Variants in ESPNL observed in about 807,000 individuals in gnomAD.
ESPNL encodes the protein espin like.
ESPNL carries 49 observed loss-of-function variants against 46.8 expected under a neutral mutation model. The ratio of observed to expected loss-of-function variants is 1.05; its 90% CI spans 0.83 to 1.33. The LOEUF (loss-of-function observed/expected upper bound fraction) is 1.33, where lower values mean the gene tolerates loss of function less well. Among genes scored for constraint, ESPNL ranks in the 40% most tolerant of loss-of-function variants. ESPNL has a pLI of 0.00. For missense variants in ESPNL, 1,540 were observed against 1,436.6 expected (o/e 1.07, Z -1.16); for synonymous variants, 664 against 662.1 (o/e 1.00, Z -0.04).
chr2:238,130,641 CGCCAGAT>C lies in ESPNL; in HGVS notation c.1928_1934del (p.Arg643ProfsTer40). On this transcript the variant is annotated frameshift_variant, in exon 9 of 9. Coordinates refer to ENST00000343063, the MANE Select transcript of ESPNL (RefSeq NM_194312.4). LOFTEE classifies it low-confidence loss of function (END_TRUNC). ...CAGCCCCCCTCGGAGCGAGGCCCAG[CGCCAGAT>C]CCAGGAGTGGGGGGTGTCTGTGCGG... 1 of 1,561,438 alleles carries C rather than the reference CGCCAGAT, an allele frequency of 6.4e-7. No homozygotes were observed. Among genetic ancestry groups the C allele is most frequent in the Non-Finnish European group, 8.7e-7 (1 of 1,153,030 alleles).
At chr2:238,116,436 C>T (rs1381250389) in intron 4 of ESPNL, among the ~76,000 whole-genome samples, 3 of 152,204 alleles carry the variant, frequency 2.0e-5, no homozygotes, top group African/African-American at 7.2e-5. Context: ...GGGGGAACCT[C>T]ATTGGGCCAG....
At position 238,128,763 on chromosome 2, in the gene ESPNL, G is replaced by A. The variant is rs144328054; in HGVS notation, c.1272G>A (p.Leu424=). The change falls in exon 8 of 9, where the codon CTG becomes CTA. Residue 424 remains leucine (L), a synonymous_variant. Transcript: ENST00000343063. ...CAGATGGCCTGGCCGCACTACAGCT[G>A]GATGGGCTGCCCTCAGGCGACATCG... ...DTSDGLAALQ[L]DGLPSGDIDG... 3.4e-4 allele frequency: 544 copies of A among 1,595,558 alleles called. 3 individuals are homozygous for A. In the African/African-American group the frequency reaches 6.5e-3, roughly 19 times the overall value.
intron 3 of ESPNL, 45 bp from the exon 4 acceptor site, chr2:238,107,746 T>C: frequency 6.6e-7 from 1 of 1,513,850 alleles, no homozygotes; most frequent in Non-Finnish European, 8.9e-7. Flanking sequence ...TCTGTGTGCC[T>C]CCTCCCTGGG....
At chr2:238,123,066 G>A (rs1334026441) in intron 5 of ESPNL, among the ~76,000 whole-genome samples, 1 of 152,214 alleles carries the variant, frequency 6.6e-6, no homozygotes, top group East Asian at 1.9e-4. Flanking sequence ...AGTCCCAGGT[G>A]GTGCGAGTTG....
In ESPNL at chr2:238,111,704, TC is replaced by T. The variant is rs1283286456; in HGVS notation, c.855+3732del. On this transcript the variant is annotated intron_variant, in intron 4 of 8. Coordinates refer to ENST00000343063, the MANE Select transcript of ESPNL (RefSeq NM_194312.4). ...ATCTGCTAATGGACATTTGGGTTCTTCTGCCTTTTGACTATTGTGAATCATG... is the reference window on the plus strand; with the variant it reads ...ATCTGCTAATGGACATTTGGGTTCTTTGCCTTTTGACTATTGTGAATCATG... Among the ~76,000 whole-genome samples the T allele has an allele frequency of 1.2e-4, 18 of 152,340 alleles. 1 individual carries two copies. The South Asian group carries it at 2.9e-3, about 25-fold the overall frequency.
At chr2:238,103,946 A>G (rs1394576263) in intron 2 of ESPNL, among the ~76,000 whole-genome samples, 1 of 152,144 alleles carries the variant, frequency 6.6e-6, no homozygotes, top group Non-Finnish European at 1.5e-5. Context: ...AAGTCCCTGG[A>G]CAAATCAGCT....
chr2:238,129,597 G>C (rs1056876453), intron 8 of ESPNL, among the ~76,000 whole-genome samples: 2 of 152,210 alleles, frequency 1.3e-5, no homozygotes, highest in Middle Eastern at 3.2e-3. Context: ...GATTTTAACA[G>C]GCTCCCCGGG....
At chr2:238,115,278 C>G (rs570416289) in intron 4 of ESPNL, among the ~76,000 whole-genome samples, 199 of 152,366 alleles carry the variant, frequency 1.3e-3, no homozygotes, top group Admixed American at 2.2e-3. Flanking sequence ...GAAGGAAGCC[C>G]TCCAGAGGAT....
chr2:238,120,841 C>G, intron 5 of ESPNL, among the ~76,000 whole-genome samples: 1 of 152,246 alleles, frequency 6.6e-6, no homozygotes, highest in Admixed American at 6.5e-5. Context: ...GATGGGAATG[C>G]AGTCCGCAGG....
chr2:238,100,672 G>A lies in ESPNL; in HGVS notation c.253G>A (p.Glu85Lys), dbSNP rs776414810. Residue 85 changes from glutamate (E) to lysine (K), a missense_variant, in exon 1 of 9, where the codon GAG becomes AAG. Coordinates refer to ENST00000343063, the MANE Select transcript of ESPNL (RefSeq NM_194312.4). ...HDAAATGSLA[E>K]LCWLVREGGC... ...CGCCGCTGCCACGGGCAGCCTGGCC[G>A]AGCTGTGCTGGCTGGTCCGCGAGGG... 6 of 1,449,398 alleles carry A rather than the reference G, an allele frequency of 4.1e-6. No homozygotes were observed. Among genetic ancestry groups the A allele is most frequent in the South Asian group, 1.5e-5 (1 of 68,952 alleles). The allele number at this position is 1,449,398 out of a possible 1,614,324, so 89.8% of individuals were successfully genotyped here.
intron 3 of ESPNL, among the ~76,000 whole-genome samples, chr2:238,105,528 A>AG (rs1691577569): frequency 6.6e-6 from 1 of 151,782 alleles, no homozygotes; most frequent in South Asian, 2.1e-4. Flanking sequence ...AAAAAAAAAA[A>AG]AAAAGAGTAG....
intron 4 of ESPNL, among the ~76,000 whole-genome samples, chr2:238,109,686 G>C (rs769727884): frequency 6.6e-6 from 1 of 152,220 alleles, no homozygotes; most frequent in Non-Finnish European, 1.5e-5. Context: ...ACTTATGTTA[G>C]TACAGTACAT....
At chr2:238,126,124 TTG>T (rs554473969) in intron 6 of ESPNL, among the ~76,000 whole-genome samples, 277 of 150,736 alleles carry the variant, frequency 1.8e-3, no homozygotes, top group South Asian at 6.9e-3. Context: ...CTGTGATTGA[TTG>T]TGTCTGTGTC....
rs369663691 is a variant in ESPNL, at chr2:238,131,944, C to G, written c.*212C>G. 1.7e-6 allele frequency: 1 copy of G among 583,000 alleles called. No individual in the cohort carries two copies. The highest frequency in any genetic ancestry group is 1.9e-5 in the African/African-American group (1 of 53,230). 36.1% of individuals were successfully genotyped at this position (583,000 alleles called of 1,614,324 possible). A position where few individuals can be genotyped will look rare whatever the true frequency, so the allele number is the denominator to read the frequency against. ...CCTTCTCACCACTGCACCCAGGAAG[C>G]CCCTTGGCAGGTCCTGAAGTGAGGC... On this transcript the variant is annotated 3_prime_UTR_variant, in exon 9 of 9. Coordinates refer to ENST00000343063, the MANE Select transcript of ESPNL (RefSeq NM_194312.4).
rs570550542 is a variant in ESPNL at position 238,125,866 on chromosome 2, C to T, written c.1102+482C>T. 3.5e-4 allele frequency among the ~76,000 whole-genome samples: 54 copies of T among 152,282 alleles called. 1 individual carries two copies. In the South Asian group the frequency reaches 0.011, roughly 30 times the overall value. ...TGAGGGCGAGCTTCCTCCACGGGCCCTGCTGCGGCCCTGTACTCACATGTG... is the reference window on the plus strand; with the variant it reads ...TGAGGGCGAGCTTCCTCCACGGGCCTTGCTGCGGCCCTGTACTCACATGTG... On this transcript the variant is annotated intron_variant, in intron 6 of 8. Coordinates refer to ENST00000343063, the MANE Select transcript of ESPNL (RefSeq NM_194312.4).
Position 238,117,006 on chromosome 2 carries a change from C to T in ESPNL, c.959C>T (p.Ala320Val), listed in dbSNP as rs1384657224. The change falls in exon 5 of 9, where the codon GCC becomes GTC. Residue 320 changes from alanine to valine, a missense_variant. Coordinates refer to ENST00000343063, the MANE Select transcript of ESPNL (RefSeq NM_194312.4). ...LAEYHGHRDC[A>V]QYLREVAQPV... ...GAGTACCATGGACACCGGGACTGCG[C>T]CCAGTACCTGCGGGAGGTGGCCCAG... 2.5e-6 allele frequency: 4 copies of T among 1,612,000 alleles called. No homozygotes were observed. The highest frequency in any genetic ancestry group is 3.4e-6 in the Non-Finnish European group (4 of 1,179,550).
At chr2:238,129,768 C>T (rs916622675) in intron 8 of ESPNL, among the ~76,000 whole-genome samples, 2 of 152,270 alleles carry the variant, frequency 1.3e-5, no homozygotes, top group Admixed American at 6.5e-5. Context: ...AGTAAAAGTC[C>T]TGCCCCTCCG....
intron 3 of ESPNL, among the ~76,000 whole-genome samples, chr2:238,107,496 C>T (rs1691621833): frequency 6.9e-6 from 1 of 144,390 alleles, no homozygotes; most frequent in Non-Finnish European, 1.5e-5. Flanking sequence ...CACATGTTTA[C>T]TCTTCCCTAG....
intron 7 of ESPNL, among the ~76,000 whole-genome samples, 160 bp from the exon 8 acceptor site, chr2:238,128,547 A>G (rs1692194260): frequency 6.6e-6 from 1 of 152,046 alleles, no homozygotes; most frequent in African/African-American, 2.4e-5. Context: ...GCTGGGGATG[A>G]GGGGGTGGGG....
Sources: gnomAD v4.1 joint callset for allele counts (sites outside exome capture counted in the v4.1 genomes callset) on GRCh38, gnomAD v4.1.1 for gene constraint, MANE v1.5 for transcripts, NCBI Gene and HGNC (gene_info 2026-07-23, HGNC 2026-07-21) for gene names.